The following PTGER3 variants were observed in gnomAD, a reference collection of about 807,000 sequenced individuals.
PTGER3 encodes the protein prostaglandin E2 receptor EP3 subtype.
In PTGER3, 22 loss-of-function variants were observed where a neutral mutation model predicts 34.7. The observed-to-expected ratio is 0.63, with a 90% confidence interval of 0.45 to 0.91. The LOEUF (loss-of-function observed/expected upper bound fraction) is 0.91, where lower values mean the gene tolerates loss of function less well. Ranked by LOEUF, PTGER3 falls within the 40% of genes least tolerant of loss-of-function variation. The pLI is 0.00. For missense variants in PTGER3, 468 were observed against 519.4 expected (o/e 0.90, Z 0.96); for synonymous variants, 241 against 230.1 (o/e 1.05, Z -0.43).
chr1:70,987,377 C>G (rs1330316337), intron 2 of PTGER3, among the ~76,000 whole-genome samples: 2 of 152,120 alleles, frequency 1.3e-5, no homozygotes, highest in South Asian at 4.1e-4. Flanking sequence ...GCAATTTTAT[C>G]TACAGTTTTT....
intron 2 of PTGER3, among the ~76,000 whole-genome samples, chr1:70,985,221 G>A (rs1001068800): frequency 3.3e-5 from 5 of 152,134 alleles, no homozygotes; most frequent in African/African-American, 1.2e-4. Context: ...ATGAAGAAAT[G>A]GTCACAAGCT....
At chr1:71,016,380 A>G (rs564195512) in intron 1 of PTGER3, among the ~76,000 whole-genome samples, 1 of 152,346 alleles carries the variant, frequency 6.6e-6, no homozygotes, top group South Asian at 2.1e-4. Context: ...GAAAAAACAG[A>G]ATATAAGATA....
At chr1:70,992,901 T>C (rs559786013) in intron 2 of PTGER3, among the ~76,000 whole-genome samples, 2 of 152,314 alleles carry the variant, frequency 1.3e-5, no homozygotes, top group African/African-American at 4.8e-5. Flanking sequence ...TTGAATACTA[T>C]AGCAACAGTA....
At chr1:70,904,584 C>T (rs944279278) in intron 4 of PTGER3, among the ~76,000 whole-genome samples, 2 of 152,246 alleles carry the variant, frequency 1.3e-5, no homozygotes, top group African/African-American at 4.8e-5. Context: ...TATGTTTTAG[C>T]AAAGAGACTG....
intron 1 of PTGER3, among the ~76,000 whole-genome samples, chr1:71,026,000 T>A (rs1658895956): frequency 6.6e-6 from 1 of 152,178 alleles, no homozygotes; most frequent in African/African-American, 2.4e-5. Flanking sequence ...CCCCCTTGCT[T>A]ATACTGTAAT....
At chr1:71,021,383 C>T (rs941890310) in intron 1 of PTGER3, among the ~76,000 whole-genome samples, 3 of 152,110 alleles carry the variant, frequency 2.0e-5, no homozygotes, top group African/African-American at 7.2e-5. Flanking sequence ...TTAGAACAGT[C>T]ACACAATGTC....
chr1:71,021,370 C>A (rs1410352335), intron 1 of PTGER3, among the ~76,000 whole-genome samples: 1 of 152,094 alleles, frequency 6.6e-6, no homozygotes, highest in African/African-American at 2.4e-5. Context: ...GTTTATCTTT[C>A]TATTAGAACA....
chr1:70,882,634 C>T (rs994699292), intron 4 of PTGER3, among the ~76,000 whole-genome samples: 3 of 152,190 alleles, frequency 2.0e-5, no homozygotes, highest in African/African-American at 7.2e-5. Context: ...ACAAAATGAC[C>T]AGGTGGCTCT....
intron 4 of PTGER3, among the ~76,000 whole-genome samples, chr1:70,920,018 T>C (rs1388556786): frequency 6.6e-6 from 1 of 152,178 alleles, no homozygotes; most frequent in Admixed American, 6.6e-5. Context: ...TGGCTCACAG[T>C]CATTTTCTTG....
intron 2 of PTGER3, among the ~76,000 whole-genome samples, chr1:70,994,111 C>T (rs777379062): frequency 1.3e-5 from 2 of 152,202 alleles, no homozygotes; most frequent in Non-Finnish European, 2.9e-5. Context: ...ACCCTTCTCT[C>T]TTCTAGCCTG....
chr1:70,952,734 C>T, exon 4 of PTGER3: 1 of 1,275,422 alleles, frequency 7.8e-7, no homozygotes, highest in Non-Finnish European at 9.9e-7. Flanking sequence ...TTCAGCTTTG[C>T]TAAAAATATG....
chr1:70,871,134 A>G (rs1646153891), intron 4 of PTGER3, among the ~76,000 whole-genome samples: 2 of 152,190 alleles, frequency 1.3e-5, no homozygotes, highest in African/African-American at 2.4e-5. Flanking sequence ...ATGGTTCTGC[A>G]GGTCACACAA....
At chr1:70,987,270 T>G (rs1655012421) in intron 2 of PTGER3, among the ~76,000 whole-genome samples, 1 of 152,172 alleles carries the variant, frequency 6.6e-6, no homozygotes, top group South Asian at 2.1e-4. Context: ...TCCAAACAAG[T>G]TAAGAATATA....
At chr1:71,016,015 C>T (rs973068143) in intron 1 of PTGER3, among the ~76,000 whole-genome samples, 7 of 152,168 alleles carry the variant, frequency 4.6e-5, no homozygotes. Flanking sequence ...TCACTGTAGT[C>T]CTGAACTCCT....
At chr1:71,040,299 T>C (rs1312161766) in intron 1 of PTGER3, among the ~76,000 whole-genome samples, 1 of 152,088 alleles carries the variant, frequency 6.6e-6, no homozygotes, top group Non-Finnish European at 1.5e-5. Flanking sequence ...TCTGATTTGG[T>C]TGCTCAAGTA....
At chr1:70,858,777 T>C (rs1645865024) in intron 4 of PTGER3, among the ~76,000 whole-genome samples, 1 of 152,180 alleles carries the variant, frequency 6.6e-6, no homozygotes, top group Non-Finnish European at 1.5e-5. Context: ...CAACATTTGG[T>C]TTTTCAGTAG....
At chr1:70,969,406 G>A (rs1652860356), downstream of PTGER3, among the ~76,000 whole-genome samples, 1 of 152,078 alleles carries the variant, frequency 6.6e-6, no homozygotes, top group Admixed American at 6.5e-5. Context: ...TACTTAATTA[G>A]TAACATCTTT....
At chr1:70,870,074 T>G (rs1018381955) in intron 4 of PTGER3, among the ~76,000 whole-genome samples, 1 of 152,184 alleles carries the variant, frequency 6.6e-6, no homozygotes, top group African/African-American at 2.4e-5. Context: ...ATCCAGGCTT[T>G]TCTACATGTT....
intron 1 of PTGER3, among the ~76,000 whole-genome samples, chr1:71,020,093 T>A (rs1308289066): frequency 1.3e-5 from 2 of 152,156 alleles, no homozygotes; most frequent in East Asian, 3.9e-4. Flanking sequence ...ATTTGAAGGA[T>A]TTGCATGGGA....
Sources: gnomAD v4.1 joint callset for allele counts (sites outside exome capture counted in the v4.1 genomes callset) on GRCh38, gnomAD v4.1.1 for gene constraint, MANE v1.5 for transcripts, NCBI Gene and HGNC (gene_info 2026-07-23, HGNC 2026-07-21) for gene names.